Variants in DNAH14 observed in about 807,000 individuals in gnomAD.
The protein encoded by DNAH14 is dynein axonemal heavy chain 14, also known as axonemal beta dynein heavy chain 14.
DNAH14 carries 478 observed loss-of-function variants against 520.9 expected under a neutral mutation model. The ratio of observed to expected loss-of-function variants is 0.92; its 90% CI spans 0.85 to 0.99. The LOEUF (loss-of-function observed/expected upper bound fraction) is 0.99, where lower values mean the gene tolerates loss of function less well. Ranked by LOEUF, DNAH14 falls within the 50% of genes least tolerant of loss-of-function variation. The probability of loss-of-function intolerance (pLI) is 0.00; values close to 1 mark genes in which losing one functional copy is unlikely to be tolerated. For synonymous variants in DNAH14, 1,581 were observed against 1,757.2 expected (o/e 0.90, Z 2.51); for missense variants, 4,831 against 5,234.5 (o/e 0.92, Z 2.38).
At chr1:225,283,760 T>C (rs1189808608) in intron 54 of DNAH14, among the ~76,000 whole-genome samples, 1 of 152,086 alleles carries the variant, frequency 6.6e-6, no homozygotes, top group Non-Finnish European at 1.5e-5. Flanking sequence ...GTAACATTCT[T>C]GAGGAGAGAC....
intron 66 of DNAH14, among the ~76,000 whole-genome samples, chr1:225,334,520 G>C (rs907411787): frequency 1.3e-5 from 2 of 151,908 alleles, no homozygotes; most frequent in East Asian, 1.9e-4. Context: ...AAATTGTCTT[G>C]CTTTGTTACA....
rs893131864 is a variant in DNAH14, at chr1:225,104,998, T to C, written c.3867+4114T>C. Among the ~76,000 whole-genome samples the C allele has an allele frequency of 7.9e-5, 12 of 152,326 alleles. No individual in the cohort carries two copies. The East Asian group carries it at 2.1e-3, about 27-fold the overall frequency. On this transcript the variant is annotated intron_variant, in intron 23 of 85. Transcript: ENST00000682510. ...ATGTTAGGGTGTCAATTTTGGATCT[T>C]TCCTGCTTTCTCTTGTGGGCATTTA...
chr1:225,330,147 C>G (rs907755103), intron 64 of DNAH14, among the ~76,000 whole-genome samples: 6 of 151,986 alleles, frequency 3.9e-5, no homozygotes, highest in African/African-American at 1.4e-4. Context: ...AAAAGACAGG[C>G]AATAACAAAA....
intron 54 of DNAH14, among the ~76,000 whole-genome samples, chr1:225,285,623 A>G (rs1203178133): frequency 2.6e-5 from 4 of 152,088 alleles, no homozygotes; most frequent in Non-Finnish European, 5.9e-5. Context: ...TTGGGAGGGC[A>G]ACACAGGAGG....
At position 225,337,513 on chromosome 1, in the gene DNAH14, G is replaced by C. The variant is rs552936812; in HGVS notation, c.10311+17G>C. The C allele has an allele frequency of 6.5e-7, 1 of 1,541,228 alleles. No individual in the cohort carries two copies. Among genetic ancestry groups the C allele is most frequent in the Admixed American group, 2.0e-5 (1 of 50,962 alleles). The stretch of plus-strand genomic sequence containing the variant: ...CTCCTGCAGGTAAGTGGGCAGTATG[G>C]CCTAATTTCCCTTGCAGCTGATACA... On this transcript the variant is annotated intron_variant, in intron 67 of 85. Transcript: ENST00000682510.
At chr1:225,031,349 A>G (rs562373656) in intron 11 of DNAH14, among the ~76,000 whole-genome samples, 4 of 152,200 alleles carry the variant, frequency 2.6e-5, no homozygotes, top group Non-Finnish European at 5.9e-5. Context: ...GCCAGTTTTT[A>G]TAAATTAGTT....
chr1:225,072,630 A>T (rs1420006025), intron 17 of DNAH14, among the ~76,000 whole-genome samples: 1 of 152,176 alleles, frequency 6.6e-6, no homozygotes, highest in African/African-American at 2.4e-5. Flanking sequence ...AGTTTTTAGC[A>T]TTCTAGAACC....
At chr1:225,291,512 G>T (rs2093889612) in intron 55 of DNAH14, among the ~76,000 whole-genome samples, 1 of 152,044 alleles carries the variant, frequency 6.6e-6, no homozygotes, top group Admixed American at 6.6e-5. Context: ...GACCTCCGAG[G>T]CTCAAGTGAT....
chr1:225,164,090 CTTTA>C (rs752196445), intron 35 of DNAH14, among the ~76,000 whole-genome samples: 44 of 152,050 alleles, frequency 2.9e-4, no homozygotes, highest in Admixed American at 7.2e-4. Flanking sequence ...GTCTCTAATT[CTTTA>C]TTTATCCATC....
chr1:225,284,376 T>C (rs1371741626), intron 54 of DNAH14, among the ~76,000 whole-genome samples: 1 of 152,138 alleles, frequency 6.6e-6, no homozygotes, highest in African/African-American at 2.4e-5. Flanking sequence ...TGAACAATTG[T>C]ATGCCAACAT....
At chr1:225,251,846 A>T (rs1342181371) in intron 43 of DNAH14, among the ~76,000 whole-genome samples, 1 of 152,208 alleles carries the variant, frequency 6.6e-6, no homozygotes, top group East Asian at 1.9e-4. Flanking sequence ...TTATTATCTT[A>T]TAGTGAATCC....
Position 225,308,280 on chromosome 1 carries a change from A to G in DNAH14, c.9115-5A>G. On this transcript the variant is annotated splice_polypyrimidine_tract_variant and splice_region_variant and intron_variant, in intron 59 of 85. Transcript: ENST00000682510. ...CATTCTAAGAACAATTATGTGCTTC[A>G]TTAGGAAACAGAAACTCTAATGGAA... 1 of 1,533,880 alleles carries G rather than the reference A, an allele frequency of 6.5e-7. No homozygotes were observed.
At chr1:225,363,560 C>G (rs4653420) in intron 75 of DNAH14, among the ~76,000 whole-genome samples, 30,568 of 152,080 alleles carry the variant, frequency 0.2, 3,286 homozygotes, top group East Asian at 0.35. Flanking sequence ...AATAGTTCCT[C>G]AGTCTGCCTT....
intron 17 of DNAH14, among the ~76,000 whole-genome samples, chr1:225,074,166 A>AT (rs1312826625): frequency 2.7e-5 from 4 of 149,600 alleles, no homozygotes; most frequent in Non-Finnish European, 5.9e-5. Flanking sequence ...CGCCCGGCTA[A>AT]TTTTTTGTAT....
At chr1:225,076,732 T>C (rs1450328740) in intron 17 of DNAH14, among the ~76,000 whole-genome samples, 21 of 152,222 alleles carry the variant, frequency 1.4e-4, no homozygotes, top group Non-Finnish European at 2.9e-5. Flanking sequence ...CTCTTTGTCC[T>C]GGGTGTATTT....
In DNAH14 at chr1:225,322,658, T is replaced by A; in HGVS notation, c.9336-6T>A. 1 of 1,511,866 alleles carries A rather than the reference T, an allele frequency of 6.6e-7. No homozygotes were observed. The highest frequency in any genetic ancestry group is 8.9e-7 in the Non-Finnish European group (1 of 1,119,952). 93.7% of individuals were successfully genotyped at this position (1,511,866 alleles called of 1,614,324 possible). A position where few individuals can be genotyped will look rare whatever the true frequency, so the allele number is the denominator to read the frequency against. On this transcript the variant is annotated splice_polypyrimidine_tract_variant and splice_region_variant and intron_variant, in intron 61 of 85. Transcript: ENST00000682510. ...AAGTTGATGAGATTTTCATCATCTA[T>A]TACAGAGTATACACACGGCCTCCCT... is the stretch of plus-strand genomic sequence containing the variant.
intron 77 of DNAH14, among the ~76,000 whole-genome samples, chr1:225,368,530 T>TAC (rs2095580478): frequency 6.6e-6 from 1 of 152,212 alleles, no homozygotes; most frequent in Non-Finnish European, 1.5e-5. Flanking sequence ...TACTATTCTC[T>TAC]ATATAGAACC....
At chr1:225,296,325 G>A (rs982637087) in intron 55 of DNAH14, among the ~76,000 whole-genome samples, 1 of 152,108 alleles carries the variant, frequency 6.6e-6, no homozygotes, top group Non-Finnish European at 1.5e-5. Context: ...CTCCCAAAGT[G>A]CTGAGATTAT....
chr1:224,964,562 T>C lies in DNAH14; in HGVS notation c.451T>C (p.Leu151=). Residue 151 remains leucine, a synonymous_variant, in exon 5 of 86, where the codon TTG becomes CTG. Coordinates refer to ENST00000682510, the MANE Select transcript of DNAH14 (RefSeq NM_001367479.1). ...GWQTILPQHS[L]KYGSSKIAIQ... is the part of the protein sequence containing the mutation. ...GCAAACTATATTACCGCAGCACAGTTTGAAATACGGAAGCTCCAAAATTGC... is the reference window on the plus strand; with the variant it reads ...GCAAACTATATTACCGCAGCACAGTCTGAAATACGGAAGCTCCAAAATTGC... 2 of 1,605,794 alleles carry C rather than the reference T, an allele frequency of 1.2e-6. No homozygotes were observed. Among genetic ancestry groups the C allele is most frequent in the African/African-American group, 1.3e-5 (1 of 74,952 alleles).
Sources: allele counts gnomAD v4.1 joint callset (sites outside exome capture counted in the v4.1 genomes callset), GRCh38; gene constraint gnomAD v4.1.1; transcripts MANE v1.5; gene names NCBI Gene and HGNC (gene_info 2026-07-23, HGNC 2026-07-21).